Variants in LDB2 observed in about 807,000 individuals in gnomAD.
The protein encoded by LDB2 is LIM domain-binding protein 2.
In LDB2, 12 loss-of-function variants were observed where a neutral mutation model predicts 44.3. The observed-to-expected ratio is 0.27, with a 90% confidence interval of 0.17 to 0.44. The LOEUF (loss-of-function observed/expected upper bound fraction) is 0.44, where lower values mean the gene tolerates loss of function less well. Among genes scored for constraint, LDB2 ranks in the 20% least tolerant of loss-of-function variants. LDB2 has a pLI of 1.00. For missense variants in LDB2, 344 were observed against 473.5 expected, an observed-to-expected ratio of 0.73 and a Z score of 2.54; for synonymous variants, 164 against 174.8, an observed-to-expected ratio of 0.94 and a Z score of 0.49.
chr4:16,814,191 G>A (rs1011304027), intron 1 of LDB2, among the ~76,000 whole-genome samples: 4 of 152,140 alleles, frequency 2.6e-5, no homozygotes, highest in Non-Finnish European at 5.9e-5. Context: ...TTTTCTAACA[G>A]CCCTGTGATT....
chr4:16,706,520 T>C (rs896511483), intron 2 of LDB2, among the ~76,000 whole-genome samples: 3 of 152,216 alleles, frequency 2.0e-5, no homozygotes, highest in African/African-American at 7.2e-5. Context: ...ACCCAGTCTA[T>C]GGTATTTTGT....
At chr4:16,847,260 T>C (rs1304419146) in intron 1 of LDB2, among the ~76,000 whole-genome samples, 2 of 150,690 alleles carry the variant, frequency 1.3e-5, no homozygotes, top group East Asian at 3.9e-4. Context: ...CAAATCAGCA[T>C]AATATTTTTT....
chr4:16,863,153 C>G (rs576701333), intron 1 of LDB2, among the ~76,000 whole-genome samples: 3 of 152,164 alleles, frequency 2.0e-5, no homozygotes, highest in Non-Finnish European at 4.4e-5. Flanking sequence ...AACATCCAGC[C>G]TGCTGAGTGC....
chr4:16,774,834 A>G (rs1370542177), intron 1 of LDB2, among the ~76,000 whole-genome samples: 3 of 152,242 alleles, frequency 2.0e-5, no homozygotes, highest in African/African-American at 7.2e-5. Flanking sequence ...ACATACATGC[A>G]TGCATAAATG....
chr4:16,725,499 A>G (rs1759246695), intron 2 of LDB2, among the ~76,000 whole-genome samples: 1 of 152,166 alleles, frequency 6.6e-6, no homozygotes, highest in African/African-American at 2.4e-5. Flanking sequence ...CAATCCAGGA[A>G]GCTAAACAAT....
chr4:16,577,015 T>C (rs1711934678), intron 5 of LDB2, among the ~76,000 whole-genome samples: 2 of 152,166 alleles, frequency 1.3e-5, no homozygotes, highest in Non-Finnish European at 2.9e-5. Context: ...TGAAAAAGCA[T>C]TTGATAAAAC....
intron 5 of LDB2, among the ~76,000 whole-genome samples, chr4:16,525,862 G>C (rs1394854065): frequency 6.6e-6 from 1 of 152,186 alleles, no homozygotes; most frequent in African/African-American, 2.4e-5. Context: ...GAGATAGAAA[G>C]AATAGTGGCT....
At chr4:16,822,935 T>A (rs1306078196) in intron 1 of LDB2, among the ~76,000 whole-genome samples, 1 of 152,198 alleles carries the variant, frequency 6.6e-6, no homozygotes, top group African/African-American at 2.4e-5. Flanking sequence ...TAAGCAGGTG[T>A]TGGTGTTTTC....
At chr4:16,622,918 TATC>T (rs1729278803) in intron 2 of LDB2, among the ~76,000 whole-genome samples, 1 of 152,218 alleles carries the variant, frequency 6.6e-6, no homozygotes, top group Non-Finnish European at 1.5e-5. Flanking sequence ...CTGATTAACT[TATC>T]ATTCTGTCAG....
intron 1 of LDB2, among the ~76,000 whole-genome samples, chr4:16,862,908 T>C (rs923240784): frequency 1.3e-5 from 2 of 152,024 alleles, no homozygotes; most frequent in East Asian, 1.9e-4. Flanking sequence ...CCCTCAGAGA[T>C]TGGCAATCAG....
chr4:16,646,822 A>G (rs1392157939), intron 2 of LDB2, among the ~76,000 whole-genome samples: 1 of 152,218 alleles, frequency 6.6e-6, no homozygotes, highest in African/African-American at 2.4e-5. Context: ...TCACATAGTT[A>G]CAAACAATGG....
At chr4:16,865,758 A>C (rs1257120910) in intron 1 of LDB2, among the ~76,000 whole-genome samples, 1 of 152,210 alleles carries the variant, frequency 6.6e-6, no homozygotes, top group Non-Finnish European at 1.5e-5. Flanking sequence ...AACAAAGAGA[A>C]GGGGCATTCA....
In LDB2 at chr4:16,525,576, T is replaced by G. The variant is rs142893375; in HGVS notation, c.616-13472A>C. On this transcript the variant is annotated intron_variant, in intron 5 of 7. Coordinates refer to ENST00000304523, the MANE Select transcript of LDB2 (RefSeq NM_001290.5). ...GTGGTTCAATTATTCATTCACTAAT[T>G]CATTCATTCAACACCTACTTACTGA... Among the ~76,000 whole-genome samples, 461 of 152,294 alleles carry G rather than the reference T, an allele frequency of 3.0e-3. 5 individuals carry two copies. The highest frequency in any genetic ancestry group is 0.011 in the African/African-American group (440 of 41,560).
chr4:16,766,474 G>GTATATATATACACACACATA (rs1423361885), intron 1 of LDB2, among the ~76,000 whole-genome samples: 28 of 120,978 alleles, frequency 2.3e-4, no homozygotes, highest in African/African-American at 8.8e-4. Flanking sequence ...ATATATGTGT[G>GTATATATATACACACACATA]TGTGTGTGTG....
chr4:16,596,791 C>T (rs1383543950), intron 2 of LDB2, among the ~76,000 whole-genome samples: 2 of 152,126 alleles, frequency 1.3e-5, no homozygotes, highest in Non-Finnish European at 1.5e-5. Context: ...AGTAGCTGGG[C>T]CTTTCTGATA....
intron 1 of LDB2, among the ~76,000 whole-genome samples, chr4:16,804,581 A>G (rs1778442971): frequency 6.6e-6 from 1 of 152,190 alleles, no homozygotes; most frequent in African/African-American, 2.4e-5. Context: ...TAAAGCTCAT[A>G]TGACTATACT....
chr4:16,739,697 CAT>C lies in LDB2; in HGVS notation c.235+19459_235+19460del, dbSNP rs1209310470. Among the ~76,000 whole-genome samples the C allele has an allele frequency of 2.8e-5, 2 of 72,208 alleles. 1 individual carries two copies. Among genetic ancestry groups the C allele is most frequent in the East Asian group, 2.0e-3 (2 of 996 alleles). 47.4% of individuals were successfully genotyped at this position (72,208 alleles called of 152,430 possible). A position where few individuals can be genotyped will look rare whatever the true frequency, so the allele number is the denominator to read the frequency against. The stretch of plus-strand genomic sequence containing the variant: ...ATATGTGTGTATATATGTATATATA[CAT>C]ATATGTGTATATATGTATATATACA... On this transcript the variant is annotated intron_variant, in intron 2 of 7. Coordinates refer to ENST00000304523, the MANE Select transcript of LDB2 (RefSeq NM_001290.5).
chr4:16,648,063 C>T (rs1737255091), intron 2 of LDB2, among the ~76,000 whole-genome samples: 1 of 152,094 alleles, frequency 6.6e-6, no homozygotes, highest in Non-Finnish European at 1.5e-5. Context: ...TTCTTGTATC[C>T]CAAACACATC....
At chr4:16,560,066 A>C (rs199629111) in intron 5 of LDB2, among the ~76,000 whole-genome samples, 2 of 152,186 alleles carry the variant, frequency 1.3e-5, no homozygotes, top group African/African-American at 4.8e-5. Context: ...CATTCAAAGC[A>C]GTGTGTAGAG....
Sources: allele counts gnomAD v4.1 joint callset (sites outside exome capture counted in the v4.1 genomes callset), GRCh38; gene constraint gnomAD v4.1.1; transcripts MANE v1.5; gene names NCBI Gene and HGNC (gene_info 2026-07-23, HGNC 2026-07-21).